Variants in ETF1 observed in about 807,000 individuals in gnomAD.
ETF1 encodes the protein eukaryotic translation termination factor 1.
Under a neutral mutation model 55.1 loss-of-function variants are expected in ETF1, and 4 were observed. The ratio of observed to expected loss-of-function variants is 0.07; its 90% CI spans 0.04 to 0.17. The LOEUF (loss-of-function observed/expected upper bound fraction) is 0.17. Among genes scored for constraint, ETF1 ranks in the 10% least tolerant of loss-of-function variants. The pLI is 1.00. For synonymous variants in ETF1, 157 were observed against 182.3 expected, an observed-to-expected ratio of 0.86 and a Z score of 1.12; for missense variants, 142 against 523.6, an observed-to-expected ratio of 0.27 and a Z score of 7.11.
At chr5:138,528,208 A>G (rs756436590) in intron 2 of ETF1, among the ~76,000 whole-genome samples, 6 of 152,242 alleles carry the variant, frequency 3.9e-5, no homozygotes, top group Non-Finnish European at 7.3e-5. Context: ...GAGCTGAGGA[A>G]GAACAGGCAA....
At chr5:138,516,864 A>T (rs866977526) in intron 4 of ETF1, among the ~76,000 whole-genome samples, 1 of 152,242 alleles carries the variant, frequency 6.6e-6, no homozygotes, top group Non-Finnish European at 1.5e-5. Flanking sequence ...AGCATTATTC[A>T]GAACAGCCAA....
At chr5:138,510,827 T>C in intron 8 of ETF1, 198 bp from the exon 9 acceptor site, 2 of 708,968 alleles carry the variant, frequency 2.8e-6, no homozygotes, top group Non-Finnish European at 3.5e-6. Flanking sequence ...ATGTTCAAGA[T>C]ATAGTCCTGG....
chr5:138,524,828 G>T (rs1765398819), intron 2 of ETF1, among the ~76,000 whole-genome samples: 1 of 151,762 alleles, frequency 6.6e-6, no homozygotes, highest in Admixed American at 6.6e-5. Context: ...CGCCCGCCTT[G>T]GCCTCCCAAA....
At chr5:138,523,653 G>A (rs1765332195) in intron 2 of ETF1, among the ~76,000 whole-genome samples, 1 of 152,210 alleles carries the variant, frequency 6.6e-6, no homozygotes, top group Non-Finnish European at 1.5e-5. Flanking sequence ...GGAATGCAGA[G>A]TGATTGTTAA....
In ETF1 at chr5:138,508,829, C is replaced by A. The variant is rs998579409; in HGVS notation, c.1084-13G>T. 1.9e-6 allele frequency: 3 copies of A among 1,609,694 alleles called. No individual in the cohort carries two copies. Among genetic ancestry groups the A allele is most frequent in the Non-Finnish European group, 2.5e-6 (3 of 1,177,926 alleles). On this transcript the variant is annotated splice_polypyrimidine_tract_variant and intron_variant, in intron 9 of 10. Transcript: ENST00000360541. ...GTTCCTGTCCGGTCTACAGGGATGA[C>A]CATGAGATACAAAAATGGGGGATTA...
chr5:138,516,037 T>C (rs1765004239), intron 4 of ETF1, among the ~76,000 whole-genome samples: 1 of 152,216 alleles, frequency 6.6e-6, no homozygotes, highest in African/African-American at 2.4e-5. Flanking sequence ...CTGTGAATTC[T>C]TGATTGTTCT....
chr5:138,539,998 T>C (rs1175856891), intron 2 of ETF1, among the ~76,000 whole-genome samples: 4 of 152,210 alleles, frequency 2.6e-5, no homozygotes, highest in African/African-American at 9.6e-5. Flanking sequence ...TAATATAGTA[T>C]GTGCTTAATA....
chr5:138,528,439 A>C, intron 2 of ETF1, among the ~76,000 whole-genome samples: 1 of 152,250 alleles, frequency 6.6e-6, no homozygotes, highest in Admixed American at 6.5e-5. Context: ...CCAGTTGGGC[A>C]ACCTTACATT....
intron 2 of ETF1, among the ~76,000 whole-genome samples, chr5:138,540,294 T>A (rs115216771): frequency 9.2e-4 from 140 of 152,296 alleles, no homozygotes; most frequent in African/African-American, 3.3e-3. Flanking sequence ...CACTACCTTG[T>A]CCTAATAACC....
rs1411179963 is a variant in ETF1 at position 138,507,223 on chromosome 5, C to T, written c.*1082G>A. 2 of 151,956 alleles carry T rather than the reference C, an allele frequency of 1.3e-5. No homozygotes were observed. Among genetic ancestry groups the T allele is most frequent in the East Asian group, 3.9e-4 (2 of 5,174 alleles). The allele number at this position is 151,956 out of a possible 1,614,324, so 9.4% of individuals were successfully genotyped here. On this transcript the variant is annotated 3_prime_UTR_variant, in exon 11 of 11. Coordinates refer to ENST00000360541, the MANE Select transcript of ETF1 (RefSeq NM_004730.4). Reference sequence around the variant, plus strand: ...ATGTGAGAAGTGCTTGTAAGTCCCACATTTGAAACAGATGCTCCAACCCCA... The same window carrying T: ...ATGTGAGAAGTGCTTGTAAGTCCCATATTTGAAACAGATGCTCCAACCCCA...
At chr5:138,516,071 C>T (rs1459343897) in intron 4 of ETF1, among the ~76,000 whole-genome samples, 1 of 152,130 alleles carries the variant, frequency 6.6e-6, no homozygotes, top group East Asian at 1.9e-4. Context: ...TTAGGTCACT[C>T]TAATGAGGTT....
At position 138,506,614 on chromosome 5, in the gene ETF1, C is replaced by CA. The variant is rs1764568438; in HGVS notation, c.*1690dup. ...TGAAGTCTCCCACGTTGGTGAACAC[C>CA]AAATAATGGACTCTTCTCACAGGGG... On this transcript the variant is annotated 3_prime_UTR_variant, in exon 11 of 11. Transcript: ENST00000360541. 1 of 152,638 alleles carries CA rather than the reference C, an allele frequency of 6.6e-6. No homozygotes were observed. Among genetic ancestry groups the CA allele is most frequent in the African/African-American group, 2.4e-5 (1 of 41,448 alleles). 9.5% of individuals were successfully genotyped at this position (152,638 alleles called of 1,614,324 possible).
At chr5:138,542,615 G>A (rs1468325250) in intron 2 of ETF1, 9 of 1,418,834 alleles carry the variant, frequency 6.3e-6, no homozygotes, top group Non-Finnish European at 7.3e-6. Context: ...ATCTAAACCG[G>A]GGAGCGCGGG....
intron 5 of ETF1, 87 bp downstream of exon 5, chr5:138,513,481 G>A: frequency 8.4e-7 from 1 of 1,186,094 alleles, no homozygotes; most frequent in African/African-American, 1.5e-5. Flanking sequence ...TGGGATTACA[G>A]GCGTGAGCCA....
intron 2 of ETF1, among the ~76,000 whole-genome samples, chr5:138,521,292 G>A (rs1416223065): frequency 2.6e-5 from 4 of 152,184 alleles, no homozygotes; most frequent in East Asian, 1.9e-4. Context: ...CATAGAGACA[G>A]AGAGTAGAAA....
Position 138,518,999 on chromosome 5 carries a change from T to C in ETF1, c.87-132A>G, listed in dbSNP as rs577998966. The C allele has an allele frequency of 4.7e-6, 7 of 1,484,888 alleles. No individual in the cohort carries two copies. The South Asian group carries it at 6.9e-5, about 15-fold the overall frequency. The allele number at this position is 1,484,888 out of a possible 1,614,324, so 92.0% of individuals were successfully genotyped here. On this transcript the variant is annotated intron_variant, in intron 2 of 10. Coordinates refer to ENST00000360541, the MANE Select transcript of ETF1 (RefSeq NM_004730.4). ...ACAGGTCACTCTCAAAGGAGTAATG[T>C]AGGGACTATATTAGTCTTGTTTATG...
At chr5:138,535,105 C>T (rs1765863484) in intron 2 of ETF1, among the ~76,000 whole-genome samples, 1 of 151,060 alleles carries the variant, frequency 6.6e-6, no homozygotes, top group Non-Finnish European at 1.5e-5. Flanking sequence ...CATGTGCCAA[C>T]ACACCCAACT....
intron 2 of ETF1, among the ~76,000 whole-genome samples, chr5:138,539,708 C>T (rs559335746): frequency 7.9e-5 from 12 of 152,290 alleles, no homozygotes; most frequent in African/African-American, 2.6e-4. Flanking sequence ...ATGAAGTTCC[C>T]CATTTTAGTA....
Position 138,506,728 on chromosome 5 carries a change from C to T in ETF1, c.*1577G>A, listed in dbSNP as rs914255575. ...AGAAACTTTACATTTAAGACATACT[C>T]CCTTCATTCAAGTGAAACAGGATTA... On this transcript the variant is annotated 3_prime_UTR_variant, in exon 11 of 11. Coordinates refer to ENST00000360541, the MANE Select transcript of ETF1 (RefSeq NM_004730.4). 2.0e-5 allele frequency: 3 copies of T among 152,604 alleles called. No individual in the cohort carries two copies. The highest frequency in any genetic ancestry group is 7.2e-5 in the African/African-American group (3 of 41,434). The allele number at this position is 152,604 out of a possible 1,614,324, so 9.5% of individuals were successfully genotyped here.
Sources: gnomAD v4.1 joint callset for allele counts (sites outside exome capture counted in the v4.1 genomes callset) on GRCh38, gnomAD v4.1.1 for gene constraint, MANE v1.5 for transcripts, NCBI Gene and HGNC (gene_info 2026-07-23, HGNC 2026-07-21) for gene names.